The following BRPF1 variants were observed in gnomAD, a reference collection of about 807,000 sequenced individuals.
BRPF1 encodes bromodomain and PHD finger containing 1.
A neutral mutation model predicts 115.0 loss-of-function variants in BRPF1; 15 were observed. That is an observed-to-expected ratio of 0.13 (90% CI 0.09 to 0.20). The LOEUF is 0.20. Ranked by LOEUF, BRPF1 falls within the 10% of genes least tolerant of loss-of-function variation. The pLI is 1.00. For missense variants in BRPF1, 1,118 were observed against 1,638.3 expected, an observed-to-expected ratio of 0.68 and a Z score of 5.48; for synonymous variants, 647 against 619.8, an observed-to-expected ratio of 1.04 and a Z score of -0.65.
rs1371345414 is a variant in BRPF1 at position 9,743,562 on chromosome 3, C to A, written c.2312-16C>A. ...CTGCCCTGAGTCTGACCTTTCCCCT[C>A]CAACCCTACCCCTAGCAGCCGAGGA... On this transcript the variant is annotated splice_polypyrimidine_tract_variant and intron_variant, in intron 7 of 13. Coordinates refer to ENST00000383829, the MANE Select transcript of BRPF1 (RefSeq NM_001003694.2). The surrounding 1 kb of genome is among the most constrained non-coding windows in gnomAD (Gnocchi z 6.1). 6.2e-7 allele frequency: 1 copy of A among 1,605,170 alleles called. No homozygotes were observed. The highest frequency in any genetic ancestry group is 8.5e-7 in the Non-Finnish European group (1 of 1,174,874).
chr3:9,743,016 C>T lies in BRPF1; in HGVS notation c.2074C>T (p.Arg692Cys), dbSNP rs780354293. The change falls in exon 7 of 14, where the codon CGC becomes TGC. Residue 692 changes from arginine (R) to cysteine (C), a missense_variant. Arg to Cys is a radical substitution (Grantham distance 180). Coordinates refer to ENST00000383829, the MANE Select transcript of BRPF1 (RefSeq NM_001003694.2). The surrounding 1 kb of genome is among the most constrained non-coding windows in gnomAD (Gnocchi z 6.1). ...CATGAAGCAGAACTTGGAGGCTTAC[C>T]GCTACCTGAATTTTGATGATTTTGA... ...FTMKQNLEAY[R>C]YLNFDDFEED... The T allele has an allele frequency of 1.1e-5, 17 of 1,614,074 alleles. No homozygotes were observed. The highest frequency in any genetic ancestry group is 3.3e-5 in the Admixed American group (2 of 60,002).
rs756815466 is a variant in BRPF1, at chr3:9,739,091, G to A, written c.692G>A (p.Arg231His). 22 of 1,613,624 alleles carry A rather than the reference G, an allele frequency of 1.4e-5. No individual in the cohort carries two copies. The Middle Eastern group carries it at 4.9e-4, about 36-fold the overall frequency. ...DYIWLDIMNE[R>H]RKTEGVSPIP... ...ATCTGGCTGGATATCATGAATGAGC[G>A]TCGGAAGACAGAGGGTGTAAGTCCC... Residue 231 changes from arginine to histidine, a missense_variant, in exon 3 of 14, where the codon CGT (arginine) becomes CAT (histidine). Physicochemically the swap from Arg to His is conservative, Grantham distance 29. This residue lies in a region of BRPF1 where 280 missense variants were observed against 382.8 expected (regional missense o/e 0.73). Coordinates refer to ENST00000383829, the MANE Select transcript of BRPF1 (RefSeq NM_001003694.2).
rs1198242422 is a variant in BRPF1, at chr3:9,747,445, T to C, written c.*96T>C. 2 of 1,468,286 alleles carry C rather than the reference T, an allele frequency of 1.4e-6. No individual in the cohort carries two copies. Among genetic ancestry groups the C allele is most frequent in the Non-Finnish European group, 1.9e-6 (2 of 1,076,642 alleles). 91.0% of individuals were successfully genotyped at this position (1,468,286 alleles called of 1,614,324 possible). A position where few individuals can be genotyped will look rare whatever the true frequency, so the allele number is the denominator to read the frequency against. On this transcript the variant is annotated 3_prime_UTR_variant, in exon 14 of 14. Coordinates refer to ENST00000383829, the MANE Select transcript of BRPF1 (RefSeq NM_001003694.2). The surrounding 1 kb of genome is among the most constrained non-coding windows in gnomAD (Gnocchi z 5.6). Reference sequence around the variant, plus strand: ...TGGCACCGGCCTCTGCACTGACTCATTTCTGGTCTTGGGGCCAGTCTCAGG... The same window carrying C: ...TGGCACCGGCCTCTGCACTGACTCACTTCTGGTCTTGGGGCCAGTCTCAGG...
chr3:9,747,532 A>G lies in BRPF1; in HGVS notation c.*183A>G. 1.7e-6 allele frequency: 1 copy of G among 602,790 alleles called. No individual in the cohort carries two copies. The allele number at this position is 602,790 out of a possible 1,614,324, so 37.3% of individuals were successfully genotyped here. A position where few individuals can be genotyped will look rare whatever the true frequency, so the allele number is the denominator to read the frequency against. ...GCAGCTGGACTGTACAGAACACTCC[A>G]AGGGCCAATGGCAGTTCAGCGCAAG... On this transcript the variant is annotated 3_prime_UTR_variant, in exon 14 of 14. Coordinates refer to ENST00000383829, the MANE Select transcript of BRPF1 (RefSeq NM_001003694.2). This position sits in a 1 kb window ranked among gnomAD's most constrained non-coding sequence, Gnocchi z 5.6.
At position 9,745,281 on chromosome 3, in the gene BRPF1, C is replaced by A; in HGVS notation, c.3068+126C>A. 8.5e-7 allele frequency: 1 copy of A among 1,181,478 alleles called. No individual in the cohort carries two copies. The highest frequency in any genetic ancestry group is 1.2e-6 in the Non-Finnish European group (1 of 855,398). The allele number at this position is 1,181,478 out of a possible 1,614,324, so 73.2% of individuals were successfully genotyped here. ...AGTCTAGATTAAGATGGCTCAAACT[C>A]AAGGTTCTCTGCTAAATAAATAAAT... is the stretch of plus-strand genomic sequence containing the variant. On this transcript the variant is annotated intron_variant, in intron 10 of 13. Coordinates refer to ENST00000383829, the MANE Select transcript of BRPF1 (RefSeq NM_001003694.2). The surrounding 1 kb of genome is among the most constrained non-coding windows in gnomAD (Gnocchi z 5.1).
chr3:9,733,640 C>T (rs974170501), intron 1 of BRPF1, among the ~76,000 whole-genome samples: 1 of 152,146 alleles, frequency 6.6e-6, no homozygotes, highest in African/African-American at 2.4e-5. Context: ...GTATGGAGGG[C>T]ATTCCAAATA....
chr3:9,744,034 A>C, intron 8 of BRPF1, 133 bp downstream of exon 8: 3 of 1,290,192 alleles, frequency 2.3e-6, no homozygotes, highest in Non-Finnish European at 3.2e-6. Context: ...TCATTCCCCA[A>C]TCAGGGGCCT....
At position 9,739,860 on chromosome 3, in the gene BRPF1, G is replaced by A; in HGVS notation, c.1461G>A (p.Lys487=). 1 of 1,588,550 alleles carries A rather than the reference G, an allele frequency of 6.3e-7. No homozygotes were observed. ...GCTCAGAGAAAGTCAAGAAGGCCAAGGCCAAGTCCCGGATCAAAATGAAGA... is the reference window on the plus strand; with the variant it reads ...GCTCAGAGAAAGTCAAGAAGGCCAAAGCCAAGTCCCGGATCAAAATGAAGA... ...GWSSEKVKKA[K]AKSRIKMKKA... is the part of the protein sequence containing the mutation. Residue 487 remains lysine, a synonymous_variant, in exon 3 of 14, where the codon AAG becomes AAA. Transcript: ENST00000383829.
At position 9,743,566 on chromosome 3, in the gene BRPF1, C is replaced by A. The variant is rs1310357238; in HGVS notation, c.2312-12C>A. ...CCTGAGTCTGACCTTTCCCCTCCAA[C>A]CCTACCCCTAGCAGCCGAGGAAGAG... On this transcript the variant is annotated splice_polypyrimidine_tract_variant and intron_variant, in intron 7 of 13. Coordinates refer to ENST00000383829, the MANE Select transcript of BRPF1 (RefSeq NM_001003694.2). The surrounding 1 kb of genome is among the most constrained non-coding windows in gnomAD (Gnocchi z 6.1). 3 of 1,608,186 alleles carry A rather than the reference C, an allele frequency of 1.9e-6. No individual in the cohort carries two copies. Among genetic ancestry groups the A allele is most frequent in the Non-Finnish European group, 2.5e-6 (3 of 1,176,758 alleles).
At chr3:9,738,977 G>A (rs1244456357) in intron 2 of BRPF1, 22 bp from the exon 3 acceptor site, 2 of 1,526,974 alleles carry the variant, frequency 1.3e-6, no homozygotes, top group Non-Finnish European at 1.8e-6. Context: ...ATGTGATGCT[G>A]AGTTCCCTGT....
chr3:9,746,480 C>T, intron 13 of BRPF1, 26 bp downstream of exon 13: 3 of 1,540,202 alleles, frequency 1.9e-6, no homozygotes, highest in Non-Finnish European at 2.6e-6. Flanking sequence ...TTTGGTGTGA[C>T]TCACAGCCAC....
intron 2 of BRPF1, among the ~76,000 whole-genome samples, chr3:9,737,207 C>G (rs2076956465): frequency 1.3e-5 from 2 of 152,186 alleles, no homozygotes; most frequent in Non-Finnish European, 2.9e-5. Context: ...AAATGCCTTT[C>G]AAATGAACAG....
chr3:9,736,329 A>G (rs966845344), intron 2 of BRPF1, among the ~76,000 whole-genome samples: 1 of 152,212 alleles, frequency 6.6e-6, no homozygotes, highest in Non-Finnish European at 1.5e-5. Flanking sequence ...TTTAAAAGCA[A>G]ATCTGGAAAC....
intron 2 of BRPF1, among the ~76,000 whole-genome samples, chr3:9,737,267 ATC>A (rs2076957722): frequency 6.6e-6 from 1 of 152,220 alleles, no homozygotes; most frequent in Non-Finnish European, 1.5e-5. Context: ...CCCCACTTCT[ATC>A]GTGTAGTGGA....
In BRPF1 at chr3:9,746,421, A is replaced by T; in HGVS notation, c.3446A>T (p.Tyr1149Phe). The T allele has an allele frequency of 6.3e-7, 1 of 1,598,744 alleles. No individual in the cohort carries two copies. Among genetic ancestry groups the T allele is most frequent in the Non-Finnish European group, 8.5e-7 (1 of 1,170,712 alleles). The change falls in exon 13 of 14, where the codon TAC (tyrosine) becomes TTC (phenylalanine). Residue 1149 changes from tyrosine (Y) to phenylalanine (F), a missense_variant. Transcript: ENST00000383829. ...QMTQEAREHL[Y>F]LVLFFDNKRT... Reference sequence around the variant, plus strand: ...ACCCAGGAAGCCCGAGAGCATCTCTACCTCGTCCTCTTCTTTGACAACAAA... The same window carrying T: ...ACCCAGGAAGCCCGAGAGCATCTCTTCCTCGTCCTCTTCTTTGACAACAAA...
At chr3:9,740,748 C>A (rs1300781465) in intron 3 of BRPF1, 31 bp from the exon 4 acceptor site, 6 of 1,609,150 alleles carry the variant, frequency 3.7e-6, no homozygotes, top group Non-Finnish European at 4.3e-6. Context: ...CAGGGCCCAA[C>A]AAGTTTTACT....
At chr3:9,740,032 G>A in intron 3 of BRPF1, 74 bp downstream of exon 3, 1 of 1,462,812 alleles carries the variant, frequency 6.8e-7, no homozygotes, top group East Asian at 2.4e-5. Flanking sequence ...AGCCTCCTGA[G>A]TGGAATGGCA....
intron 2 of BRPF1, among the ~76,000 whole-genome samples, 163 bp from the exon 3 acceptor site, chr3:9,738,836 C>T (rs542594151): frequency 3.3e-5 from 5 of 152,270 alleles, no homozygotes; most frequent in South Asian, 4.1e-4. Context: ...AAAATAGAAA[C>T]GATGATAGTA....
Position 9,734,618 on chromosome 3 carries a change from T to A in BRPF1, c.478T>A (p.Ser160Thr). Residue 160 changes from serine (S) to threonine (T), a missense_variant, in exon 2 of 14, where the codon TCC becomes ACC. Transcript: ENST00000383829. The surrounding 1 kb of genome is among the most constrained non-coding windows in gnomAD (Gnocchi z 5.7). ...KHKNKEKRKD[S>T]NHHHHHNVSA... The stretch of plus-strand genomic sequence containing the variant: ...TAAGAACAAGGAGAAGCGCAAGGAC[T>A]CCAACCATCACCACCACCACAATGT... 1 of 1,614,016 alleles carries A rather than the reference T, an allele frequency of 6.2e-7. No homozygotes were observed. The highest frequency in any genetic ancestry group is 8.5e-7 in the Non-Finnish European group (1 of 1,180,008).
Sources: allele counts gnomAD v4.1 joint callset (sites outside exome capture counted in the v4.1 genomes callset), GRCh38; gene constraint gnomAD v4.1.1; regional missense constraint gnomAD v4.1.1; non-coding constraint Gnocchi (gnomAD v3.1); transcripts MANE v1.5; gene names NCBI Gene and HGNC (gene_info 2026-07-23, HGNC 2026-07-21).